Variants in PRKAR1A observed in about 807,000 individuals in gnomAD.
The protein encoded by PRKAR1A is cAMP-dependent protein kinase type I-alpha regulatory subunit.
Under a neutral mutation model 52.0 loss-of-function variants are expected in PRKAR1A, and 3 were observed. That is an observed-to-expected ratio of 0.06 (90% confidence interval 0.03 to 0.15). PRKAR1A has a LOEUF of 0.15. Ranked by LOEUF, PRKAR1A falls within the 10% of genes least tolerant of loss-of-function variation. The pLI is 1.00. For missense variants in PRKAR1A, 240 were observed against 477.4 expected, an observed-to-expected ratio of 0.50 and a Z score of 4.63; for synonymous variants, 188 against 168.4, an observed-to-expected ratio of 1.12 and a Z score of -0.90.
the PRKAR1A span, among the ~76,000 whole-genome samples, chr17:68,491,358 C>T: frequency 1.3e-5 from 2 of 152,194 alleles, no homozygotes; most frequent in African/African-American, 4.8e-5. Context: ...TCCCAAAGTG[C>T]TGGGATTACA....
intron 11 of PRKAR1A, chr17:68,541,970 T>C: frequency 1.2e-6 from 2 of 1,610,792 alleles, no homozygotes; most frequent in Non-Finnish European, 1.7e-6. Flanking sequence ...CTGTGTGGCC[T>C]GGGGACCAAC....
upstream of PRKAR1A, among the ~76,000 whole-genome samples, chr17:68,509,240 G>A (rs1944919641): frequency 6.6e-6 from 1 of 152,168 alleles, no homozygotes; most frequent in African/African-American, 2.4e-5. Flanking sequence ...GGGCTGCAGT[G>A]CAGTGGTGCG....
chr17:68,454,843 G>A, the PRKAR1A span, among the ~76,000 whole-genome samples: 1 of 152,104 alleles, frequency 6.6e-6, no homozygotes. Context: ...TCAAACATAA[G>A]CCCTGCTCCT....
At chr17:68,489,210 A>ATATATATATATATATGGAAAG in the PRKAR1A span, among the ~76,000 whole-genome samples, 118 of 47,130 alleles carry the variant, frequency 2.5e-3, 13 homozygotes, top group Non-Finnish European at 3.6e-3. Context: ...ATATATATAT[A>ATATATATATATATATGGAAAG]TATATATATA....
At chr17:68,451,070 G>T in the PRKAR1A span, among the ~76,000 whole-genome samples, 15 of 152,184 alleles carry the variant, frequency 9.9e-5, no homozygotes, top group Admixed American at 5.2e-4. Context: ...CCCCCACCCT[G>T]CCAGGTGGCT....
the PRKAR1A span, among the ~76,000 whole-genome samples, chr17:68,475,982 G>A: frequency 6.6e-6 from 1 of 151,878 alleles, no homozygotes; most frequent in South Asian, 2.1e-4. Flanking sequence ...TTTTTGGGGG[G>A]GTTATTATGT....
At chr17:68,429,923 G>A in the PRKAR1A span, 470 of 1,598,348 alleles carry the variant, frequency 2.9e-4, 2 homozygotes, top group African/African-American at 5.7e-3. Context: ...TTCAGGTTTG[G>A]GGATTTTTGT....
At chr17:68,424,411 GC>G in the PRKAR1A span, 10 of 533,578 alleles carry the variant, frequency 1.9e-5, no homozygotes, top group Non-Finnish European at 1.5e-5. Flanking sequence ...CCACGGATCT[GC>G]GGGAGAAAGA....
chr17:68,537,437 G>A, downstream of PRKAR1A: 1 of 1,613,422 alleles, frequency 6.2e-7, no homozygotes. The surrounding 1 kb of genome is among the most constrained non-coding windows in gnomAD (Gnocchi z 4.2). Context: ...CGACTGCTCT[G>A]GCTCCAGGCG....
chr17:68,549,363 A>G (rs2143625767), intron 11 of PRKAR1A, among the ~76,000 whole-genome samples: 1 of 152,164 alleles, frequency 6.6e-6, no homozygotes, highest in South Asian at 2.1e-4. Context: ...GTGTGGTGGT[A>G]CACATCTATA....
the PRKAR1A span, chr17:68,435,675 A>G: frequency 6.2e-7 from 1 of 1,614,224 alleles, no homozygotes; most frequent in Non-Finnish European, 8.5e-7. Context: ...GATGGCAGCT[A>G]GTGTTCCCTC....
At chr17:68,478,324 C>T in the PRKAR1A span, among the ~76,000 whole-genome samples, 4 of 151,890 alleles carry the variant, frequency 2.6e-5, no homozygotes, top group South Asian at 2.1e-4. Flanking sequence ...TGGTGGCGTG[C>T]GCCTGTAGTC....
At chr17:68,441,830 G>C in the PRKAR1A span, among the ~76,000 whole-genome samples, 1 of 152,192 alleles carries the variant, frequency 6.6e-6, no homozygotes, top group African/African-American at 2.4e-5. Context: ...TTATAAACGT[G>C]AGCATTTAAA....
the PRKAR1A span, chr17:68,457,571 C>CCCCGCCCCGT: frequency 3.6e-6 from 1 of 278,758 alleles, no homozygotes. Context: ...CCCGTCCCCA[C>CCCCGCCCCGT]CCCGCCCCTA....
At chr17:68,513,278 A>AT (rs1692868378) in intron 1 of PRKAR1A, 1 of 152,180 alleles carries the variant, frequency 6.6e-6, no homozygotes, top group African/African-American at 2.4e-5. Flanking sequence ...CACGGTACCT[A>AT]TTAACCTCTT....
At chr17:68,472,573 A>G in the PRKAR1A span, among the ~76,000 whole-genome samples, 1 of 152,230 alleles carries the variant, frequency 6.6e-6, no homozygotes, top group African/African-American at 2.4e-5. Context: ...TCTAAATAAA[A>G]TGTAATAGGG....
chr17:68,523,981 G>A, intron 4 of PRKAR1A, 35 bp from the exon 5 acceptor site: 1 of 1,610,920 alleles, frequency 6.2e-7, no homozygotes, highest in Non-Finnish European at 8.5e-7. Flanking sequence ...GAAGAGACAT[G>A]TGAAATGTAA....
At chr17:68,508,009 A>C (rs2085219229), upstream of PRKAR1A, among the ~76,000 whole-genome samples, 1 of 152,136 alleles carries the variant, frequency 6.6e-6, no homozygotes, top group East Asian at 1.9e-4. Context: ...GTCAATAGAC[A>C]TTGAGTAAAG....
chr17:68,489,905 A>G, the PRKAR1A span, among the ~76,000 whole-genome samples: 1 of 152,158 alleles, frequency 6.6e-6, no homozygotes, highest in Non-Finnish European at 1.5e-5. Flanking sequence ...AGATATTACC[A>G]GGGACTGGTG....
Sources: allele counts gnomAD v4.1 joint callset (sites outside exome capture counted in the v4.1 genomes callset), GRCh38; gene constraint gnomAD v4.1.1; non-coding constraint Gnocchi (gnomAD v3.1); transcripts MANE v1.5; gene names NCBI Gene and HGNC (gene_info 2026-07-23, HGNC 2026-07-21).